Variants in HAUS7 observed in about 807,000 individuals in gnomAD.
HAUS7 encodes the protein HAUS augmin-like complex subunit 7.
In HAUS7, 3 loss-of-function variants were observed where a neutral mutation model predicts 28.4. The observed-to-expected ratio is 0.11, with a 90% CI of 0.05 to 0.27. The LOEUF is 0.27. HAUS7 is among the 10% of genes least tolerant of loss of function. The pLI, the probability that HAUS7 is intolerant of heterozygous loss-of-function variation, is 1.00. For synonymous variants in HAUS7, 165 were observed against 132.1 expected, an observed-to-expected ratio of 1.25 and a Z score of -1.71; for missense variants, 284 against 297.3, an observed-to-expected ratio of 0.96 and a Z score of 0.33.
At chrX:153,483,443 C>T (rs373114292) in intron 1 of HAUS7, 1 of 755,717 alleles carries the variant, frequency 1.3e-6, no homozygotes, top group South Asian at 6.7e-5. Context: ...GATTCATCTC[C>T]CGTGAGTGGC....
chrX:153,455,386 G>T, intron 8 of HAUS7, 156 bp downstream of exon 8: 1 of 453,526 alleles, frequency 2.2e-6, no homozygotes, highest in Non-Finnish European at 3.8e-6. Flanking sequence ...CCACTGGCCA[G>T]CAGGGAGCCC....
At chrX:153,490,344 A>G (rs1322767554) in intron 1 of HAUS7, among the ~76,000 whole-genome samples, 1 of 112,770 alleles carries the variant, frequency 8.9e-6, no homozygotes, top group Admixed American at 9.3e-5. Context: ...TTATGTCCTC[A>G]GAGGAAGGTC....
At position 153,462,125 on chromosome X, in the gene HAUS7, A is replaced by C; in HGVS notation, c.354+485T>G. The C allele has an allele frequency of 3.8e-6, 4 of 1,049,769 alleles. No individual in the cohort carries two copies. The South Asian group carries it at 6.9e-5, about 18-fold the overall frequency. 86.5% of individuals were successfully genotyped at this position (1,049,769 alleles called of 1,213,427 possible). A position where few individuals can be genotyped will look rare whatever the true frequency, so the allele number is the denominator to read the frequency against. On this transcript the variant is annotated intron_variant, in intron 4 of 9. Coordinates refer to ENST00000370211, the MANE Select transcript of HAUS7 (RefSeq NM_001385482.1). ...TCAAAAATCATATGCAAGAATGTTT[A>C]TAGTAGCATTACTCATAATCATCGA...
At chrX:153,448,909 TGAG>T (rs781864250) in intron 9 of HAUS7, among the ~76,000 whole-genome samples, 6 of 112,180 alleles carry the variant, frequency 5.3e-5, no homozygotes, top group African/African-American at 3.2e-5. Flanking sequence ...TGGCACACAG[TGAG>T]GAGGCAGGGG....
intron 1 of HAUS7, among the ~76,000 whole-genome samples, chrX:153,477,672 T>C (rs1482520036): frequency 8.9e-6 from 1 of 112,640 alleles, no homozygotes; most frequent in Non-Finnish European, 1.9e-5. Context: ...CCCACAGCCA[T>C]CCTGTGTCAC....
chrX:153,463,002 C>G, intron 3 of HAUS7: 1 of 407,202 alleles, frequency 2.5e-6, no homozygotes, highest in Non-Finnish European at 4.6e-6. Flanking sequence ...CCACTCTCTC[C>G]AAGACCTCAC....
rs368229906 is a variant in HAUS7, at chrX:153,455,638, G to A, written c.834C>T (p.Asp278=). The change falls in exon 8 of 10, where the codon GAC becomes GAT. Residue 278 remains aspartate (D), a synonymous_variant. Coordinates refer to ENST00000370211, the MANE Select transcript of HAUS7 (RefSeq NM_001385482.1). ...LILAFLQVYD[D]ELGECCQRPG... ...GGCGCTGGCAGCACTCGCCCAGCTC[G>A]TCGTCGTAGACTTGGAGAAAAGCCA... 5.7e-5 allele frequency: 69 copies of A among 1,207,167 alleles called. No individual in the cohort carries two copies. The highest frequency in any genetic ancestry group is 4.0e-4 in the African/African-American group (23 of 57,401).
intron 1 of HAUS7, chrX:153,482,618 C>T (rs1350566279): frequency 1.4e-6 from 1 of 723,228 alleles, no homozygotes. Flanking sequence ...GACTGCCAGC[C>T]TGGGTAAGGG....
chrX:153,480,508 G>T, intron 1 of HAUS7: 2 of 694,262 alleles, frequency 2.9e-6, no homozygotes, highest in Non-Finnish European at 3.4e-6. Flanking sequence ...AAGGGCGATG[G>T]GCTTTCTAGC....
Position 153,455,551 on chromosome X carries a change from G to A in HAUS7, c.921C>T (p.Ser307=), listed in dbSNP as rs782818750. 1.7e-6 allele frequency: 2 copies of A among 1,193,118 alleles called. No homozygotes were observed. The highest frequency in any genetic ancestry group is 5.9e-5 in the East Asian group (2 of 33,773). The change falls in exon 8 of 10, where the codon TCC becomes TCT. Residue 307 remains serine (S), a synonymous_variant. Coordinates refer to ENST00000370211, the MANE Select transcript of HAUS7 (RefSeq NM_001385482.1). ...GGAAGGGCACCCTTACTTGGCTGTA[G>A]GAAGTCAGATTCTGGTGCGTGGCCT... ...IIQATHQNLT[S]YSQLLQVVMA...
chrX:153,485,881 T>C (rs1225926524), intron 1 of HAUS7: 9 of 923,602 alleles, frequency 9.7e-6, no homozygotes, highest in Non-Finnish European at 1.2e-5. Flanking sequence ...AGCGCATCCC[T>C]GGCTACGCGT....
At position 153,484,803 on chromosome X, in the gene HAUS7, G is replaced by T. The variant is rs185078775; in HGVS notation, c.-589+10571C>A. On this transcript the variant is annotated intron_variant, in intron 1 of 5. Transcript: ENST00000370210. ...TCCCGCCACGAGGCCTGGGCAGGGG[G>T]CTGGCGGCCAGTCAAGCCCCAGCTG... 3.5e-5 allele frequency among the ~76,000 whole-genome samples: 4 copies of T among 113,274 alleles called. No homozygotes were observed. In the East Asian group the frequency reaches 1.1e-3, roughly 32 times the overall value.
intron 2 of HAUS7, among the ~76,000 whole-genome samples, chrX:153,465,874 C>T (rs1451815452): frequency 8.9e-6 from 1 of 112,384 alleles, no homozygotes; most frequent in Non-Finnish European, 1.9e-5. Flanking sequence ...AACATCACTC[C>T]GGCCGCTGGG....
At chrX:153,449,020 C>A (rs1244837472) in intron 9 of HAUS7, among the ~76,000 whole-genome samples, 4 of 112,036 alleles carry the variant, frequency 3.6e-5, no homozygotes, top group Non-Finnish European at 5.6e-5. Flanking sequence ...CCTTGGCTGC[C>A]CGGCCCAGTG....
chrX:153,453,297 T>C (rs3020965), intron 9 of HAUS7, among the ~76,000 whole-genome samples: 3,694 of 111,502 alleles, frequency 0.033, 119 homozygotes, highest in African/African-American at 0.11. Context: ...CTGCTAATCA[T>C]ATGGGGTTTC....
chrX:153,467,593 C>A (rs782403479), intron 2 of HAUS7, among the ~76,000 whole-genome samples: 1 of 112,306 alleles, frequency 8.9e-6, no homozygotes, highest in Admixed American at 9.4e-5. Flanking sequence ...TCCCTGCCAA[C>A]ATCCACAGCA....
At chrX:153,448,201 T>C (rs111906409) in intron 9 of HAUS7, among the ~76,000 whole-genome samples, 11,991 of 110,037 alleles carry the variant, frequency 0.11, 1,622 homozygotes, top group African/African-American at 0.37. Context: ...CACCATGGAA[T>C]ACTACGCGGC....
At chrX:153,450,311 G>A (rs1556980854) in intron 9 of HAUS7, among the ~76,000 whole-genome samples, 1 of 112,543 alleles carries the variant, frequency 8.9e-6, no homozygotes, top group African/African-American at 3.2e-5. Flanking sequence ...CCACCAGCTT[G>A]GGAGCTGGTT....
At chrX:153,482,164 G>A (rs1330194291) in intron 1 of HAUS7, among the ~76,000 whole-genome samples, 1 of 112,424 alleles carries the variant, frequency 8.9e-6, no homozygotes, top group Non-Finnish European at 1.9e-5. Context: ...GGAGCAAACA[G>A]AAACCTTCCC....
Sources: allele counts gnomAD v4.1 joint callset (sites outside exome capture counted in the v4.1 genomes callset), GRCh38; gene constraint gnomAD v4.1.1; transcripts MANE v1.5; gene names NCBI Gene and HGNC (gene_info 2026-07-23, HGNC 2026-07-21).